EVI5: variants seen among roughly 807,000 people sequenced by gnomAD.
EVI5 encodes ecotropic viral integration site 5 protein homolog.
EVI5 carries 73 observed loss-of-function variants against 112.0 expected under a neutral mutation model. The ratio of observed to expected loss-of-function variants is 0.65; its 90% CI spans 0.54 to 0.79. The LOEUF (loss-of-function observed/expected upper bound fraction) is 0.79, where lower values mean the gene tolerates loss of function less well. Ranked by LOEUF, EVI5 falls within the 30% of genes least tolerant of loss-of-function variation. The probability of loss-of-function intolerance (pLI) is 0.00; values close to 1 mark genes in which losing one functional copy is unlikely to be tolerated. For synonymous variants in EVI5, 305 were observed against 319.9 expected, an observed-to-expected ratio of 0.95 and a Z score of 0.50; for missense variants, 900 against 968.8, an observed-to-expected ratio of 0.93 and a Z score of 0.94.
At chr1:92,622,835 C>T (rs1449190253) in intron 16 of EVI5, among the ~76,000 whole-genome samples, 1 of 152,190 alleles carries the variant, frequency 6.6e-6, no homozygotes, top group Non-Finnish European at 1.5e-5. Flanking sequence ...TTTCTCCAAA[C>T]CACCTAGTTG....
chr1:92,550,921 T>C (rs1177262354), intron 19 of EVI5, among the ~76,000 whole-genome samples: 1 of 141,598 alleles, frequency 7.1e-6, no homozygotes, highest in Non-Finnish European at 1.5e-5. Flanking sequence ...ATTTAATTAA[T>C]AAAATGATTT....
intron 18 of EVI5, among the ~76,000 whole-genome samples, chr1:92,596,266 G>A (rs60855457): frequency 0.089 from 13,551 of 152,142 alleles, 1,715 homozygotes; most frequent in African/African-American, 0.28. Context: ...AGGCTCAGGT[G>A]GGAGGATCTC....
intron 13 of EVI5, among the ~76,000 whole-genome samples, chr1:92,645,921 T>G (rs1660858393): frequency 6.6e-6 from 1 of 152,166 alleles, no homozygotes; most frequent in Non-Finnish European, 1.5e-5. Flanking sequence ...TTTATAAGTC[T>G]CAAGGCAACC....
At chr1:92,589,676 T>G (rs1422683594) in intron 18 of EVI5, among the ~76,000 whole-genome samples, 1 of 152,142 alleles carries the variant, frequency 6.6e-6, no homozygotes, top group Non-Finnish European at 1.5e-5. Context: ...CTCTGTAGAC[T>G]CCACCTCTGG....
At chr1:92,675,266 C>A (rs930509541) in intron 10 of EVI5, among the ~76,000 whole-genome samples, 1 of 152,078 alleles carries the variant, frequency 6.6e-6, no homozygotes, top group African/African-American at 2.4e-5. Context: ...ATCGCTTGAG[C>A]GCGGGAGGTC....
At chr1:92,652,248 A>G (rs1662263868) in intron 13 of EVI5, among the ~76,000 whole-genome samples, 1 of 152,184 alleles carries the variant, frequency 6.6e-6, no homozygotes, top group Non-Finnish European at 1.5e-5. Context: ...CCACACACAA[A>G]AGGACAAATA....
chr1:92,690,628 G>A (rs1171727992), intron 9 of EVI5, among the ~76,000 whole-genome samples: 1 of 152,110 alleles, frequency 6.6e-6, no homozygotes, highest in Admixed American at 6.5e-5. Flanking sequence ...GGGATTATAG[G>A]TGTGAGCCAC....
intron 18 of EVI5, among the ~76,000 whole-genome samples, chr1:92,564,376 C>G (rs1669092091): frequency 6.6e-6 from 1 of 152,024 alleles, no homozygotes; most frequent in Non-Finnish European, 1.5e-5. Flanking sequence ...AAGAAGATGG[C>G]AAGCTTCCCA....
At chr1:92,530,836 G>C (rs1258493497) in intron 19 of EVI5, among the ~76,000 whole-genome samples, 4 of 152,014 alleles carry the variant, frequency 2.6e-5, no homozygotes, top group Non-Finnish European at 5.9e-5. Context: ...GGAGAAACCA[G>C]TGTAAAAAGA....
At chr1:92,620,610 A>C (rs1654330656) in intron 16 of EVI5, among the ~76,000 whole-genome samples, 1 of 152,192 alleles carries the variant, frequency 6.6e-6, no homozygotes, top group African/African-American at 2.4e-5. Flanking sequence ...AGAAGATAGC[A>C]GAGTGATTTA....
chr1:92,784,470 G>A (rs928958607), intron 1 of EVI5: 7 of 983,460 alleles, frequency 7.1e-6, no homozygotes, highest in Non-Finnish European at 2.4e-6. Flanking sequence ...GTCCCCAAAG[G>A]GAACCGACTT....
chr1:92,739,618 T>C (rs1170674127), intron 1 of EVI5, among the ~76,000 whole-genome samples: 1 of 152,146 alleles, frequency 6.6e-6, no homozygotes, highest in African/African-American at 2.4e-5. Flanking sequence ...ATTTTTTAAG[T>C]GTAGTAAAAG....
intron 1 of EVI5, among the ~76,000 whole-genome samples, chr1:92,747,789 C>T (rs1038300281): frequency 6.8e-6 from 1 of 146,202 alleles, no homozygotes; most frequent in Non-Finnish European, 1.5e-5. Context: ...AAGTCCAAAA[C>T]CAAGTTGTCA....
chr1:92,637,552 C>T (rs1659135304), intron 13 of EVI5, among the ~76,000 whole-genome samples: 1 of 152,022 alleles, frequency 6.6e-6, no homozygotes, highest in Admixed American at 6.6e-5. Context: ...AAGCCAGTGC[C>T]CATAGAAAAG....
At chr1:92,787,794 C>T (rs1290233774), upstream of EVI5, among the ~76,000 whole-genome samples, 4 of 150,986 alleles carry the variant, frequency 2.6e-5, no homozygotes, top group Non-Finnish European at 5.9e-5. Flanking sequence ...CTGGTGGGTA[C>T]CAGTGGGAAG....
In EVI5 at chr1:92,684,097, A is replaced by T. The variant is rs574986834; in HGVS notation, c.1098-6879T>A. 9.2e-5 allele frequency among the ~76,000 whole-genome samples: 14 copies of T among 152,196 alleles called. No homozygotes were observed. In the South Asian group the frequency reaches 1.7e-3, roughly 18 times the overall value. On this transcript the variant is annotated intron_variant, in intron 9 of 19. Transcript: ENST00000684568. ...AGAAGAGCAATCCCAAGACACATAA[A>T]TGTCAGATTCACCAAGGTTGAAATG...
chr1:92,740,005 A>C (rs979767065), intron 1 of EVI5, among the ~76,000 whole-genome samples: 1 of 151,668 alleles, frequency 6.6e-6, no homozygotes, highest in Non-Finnish European at 1.5e-5. Context: ...AGTGCGGCAG[A>C]ACACATTTCA....
rs184424032 is a variant in EVI5 at position 92,561,765 on chromosome 1, G to A, written c.2166+1877C>T. 3.9e-3 allele frequency among the ~76,000 whole-genome samples: 591 copies of A among 152,106 alleles called. 14 individuals carry two copies. The highest frequency in any genetic ancestry group is 3.4e-3 in the Middle Eastern group (1 of 292). On this transcript the variant is annotated intron_variant, in intron 19 of 19. Transcript: ENST00000684568. ...CGATTCTCCTGCCCCAGCCTCCCCAGTAGCTAGGTTACAGGCACACACCAC... is the reference window on the plus strand; with the variant it reads ...CGATTCTCCTGCCCCAGCCTCCCCAATAGCTAGGTTACAGGCACACACCAC...
chr1:92,533,974 G>C (rs1342986470), intron 19 of EVI5, among the ~76,000 whole-genome samples: 1 of 152,124 alleles, frequency 6.6e-6, no homozygotes, highest in Non-Finnish European at 1.5e-5. Flanking sequence ...CAATTAGTCA[G>C]AGAAGAAGTA....
Sources: allele counts gnomAD v4.1 joint callset (sites outside exome capture counted in the v4.1 genomes callset), GRCh38; gene constraint gnomAD v4.1.1; transcripts MANE v1.5; gene names NCBI Gene and HGNC (gene_info 2026-07-23, HGNC 2026-07-21).